The following DGKB variants were observed in gnomAD, a reference collection of about 807,000 sequenced individuals.
The protein encoded by DGKB is diacylglycerol kinase beta, also known as 90 kDa diacylglycerol kinase.
DGKB carries 67 observed loss-of-function variants against 114.3 expected under a neutral mutation model. The observed-to-expected ratio is 0.59, with a 90% CI of 0.48 to 0.72. DGKB has a LOEUF of 0.72. Among genes scored for constraint, DGKB ranks in the 30% least tolerant of loss-of-function variants. DGKB has a pLI of 0.00. For missense variants in DGKB, 907 were observed against 975.2 expected (o/e 0.93, Z 0.93); for synonymous variants, 398 against 323.1 (o/e 1.23, Z -2.49).
intron 23 of DGKB, among the ~76,000 whole-genome samples, chr7:14,334,400 G>T (rs922146870): frequency 8.1e-5 from 2 of 24,786 alleles, no homozygotes; most frequent in Non-Finnish European, 1.9e-4. Context: ...GTGTGTGCGC[G>T]CGCGTGTATG....
At chr7:14,172,934 G>A (rs1294720510) in intron 25 of DGKB, among the ~76,000 whole-genome samples, 2 of 152,078 alleles carry the variant, frequency 1.3e-5, no homozygotes, top group East Asian at 3.9e-4. Context: ...ATGCTCAGGA[G>A]GAAGGATGGG....
At chr7:14,259,392 T>A (rs1464583864) in intron 23 of DGKB, among the ~76,000 whole-genome samples, 1 of 95,460 alleles carries the variant, frequency 1.0e-5, no homozygotes, top group African/African-American at 3.8e-5. Flanking sequence ...TCTCTCTCTC[T>A]CTCTCTCTCT....
At chr7:14,873,324 A>G (rs570746360) in intron 1 of DGKB, among the ~76,000 whole-genome samples, 1 of 152,246 alleles carries the variant, frequency 6.6e-6, no homozygotes, top group African/African-American at 2.4e-5. Context: ...ATAAAAGACA[A>G]ATAGGCATTT....
At chr7:14,289,270 A>G (rs963948386) in intron 23 of DGKB, among the ~76,000 whole-genome samples, 2 of 152,188 alleles carry the variant, frequency 1.3e-5, no homozygotes, top group African/African-American at 4.8e-5. Context: ...TGAAAAGGGC[A>G]ACATTAGTAA....
At chr7:14,244,348 C>T (rs1794116834) in intron 23 of DGKB, among the ~76,000 whole-genome samples, 1 of 151,924 alleles carries the variant, frequency 6.6e-6, no homozygotes, top group Non-Finnish European at 1.5e-5. Flanking sequence ...AAACCTGATC[C>T]TCAACGTGAT....
rs1200581957 is a variant in DGKB, at chr7:14,418,237, T to A, written c.1835+59924A>T. 2.7e-4 allele frequency among the ~76,000 whole-genome samples: 36 copies of A among 131,730 alleles called. 1 individual carries two copies. The Admixed American group carries it at 3.0e-3, about 11-fold the overall frequency. 86.4% of individuals were successfully genotyped at this position (131,730 alleles called of 152,430 possible). A position where few individuals can be genotyped will look rare whatever the true frequency, so the allele number is the denominator to read the frequency against. On this transcript the variant is annotated intron_variant, in intron 21 of 25. Transcript: ENST00000402815. Reference sequence around the variant, plus strand: ...TATATATTATATATGTACATATATTTTATATATGTGTGTATATATTATATA... The same window carrying A: ...TATATATTATATATGTACATATATTATATATATGTGTGTATATATTATATA...
chr7:14,718,922 T>C (rs1183208071), intron 5 of DGKB: 1 of 386,150 alleles, frequency 2.6e-6, no homozygotes, highest in African/African-American at 2.1e-5. Context: ...CCACGGATGG[T>C]ATTTGGGTCA....
chr7:14,690,883 G>A (rs1822727021), intron 9 of DGKB, among the ~76,000 whole-genome samples: 1 of 152,180 alleles, frequency 6.6e-6, no homozygotes, highest in African/African-American at 2.4e-5. Context: ...AATTTTCATT[G>A]TGGTAATCAG....
At chr7:14,217,351 C>T (rs530068618) in intron 23 of DGKB, among the ~76,000 whole-genome samples, 106 of 152,068 alleles carry the variant, frequency 7.0e-4, no homozygotes, top group Non-Finnish European at 1.1e-3. Flanking sequence ...TTCCTTGGGA[C>T]GTGGGTTTTT....
At chr7:14,386,102 A>G (rs529948815) in intron 21 of DGKB, among the ~76,000 whole-genome samples, 1 of 152,350 alleles carries the variant, frequency 6.6e-6, no homozygotes, top group Admixed American at 6.5e-5. Flanking sequence ...AAACTTTAAT[A>G]TATTTTGAAA....
intron 23 of DGKB, among the ~76,000 whole-genome samples, chr7:14,266,577 A>G (rs941665954): frequency 2.0e-5 from 3 of 152,316 alleles, no homozygotes; most frequent in Middle Eastern, 3.4e-3. Context: ...GTAAAGAGGC[A>G]TCTGTGTTTT....
intron 15 of DGKB, among the ~76,000 whole-genome samples, chr7:14,620,630 C>T (rs1261597324): frequency 6.6e-6 from 1 of 151,626 alleles, no homozygotes. Context: ...GAAAAACATA[C>T]TTAAATCCAC....
chr7:14,337,475 C>T (rs1274067426), intron 23 of DGKB, among the ~76,000 whole-genome samples: 2 of 152,080 alleles, frequency 1.3e-5, no homozygotes, highest in African/African-American at 2.4e-5. Context: ...ATACCTAACA[C>T]TTTCTCCATC....
intron 2 of DGKB, among the ~76,000 whole-genome samples, chr7:14,793,178 T>C (rs1253960386): frequency 2.6e-5 from 4 of 152,128 alleles, no homozygotes; most frequent in African/African-American, 9.7e-5. Flanking sequence ...TCTACATAAA[T>C]ATTATAATGA....
chr7:14,307,611 T>C (rs1308240136), intron 23 of DGKB, among the ~76,000 whole-genome samples: 1 of 152,206 alleles, frequency 6.6e-6, no homozygotes, highest in Non-Finnish European at 1.5e-5. Flanking sequence ...TTGTATTGAA[T>C]GTCAATTTAC....
At chr7:14,658,080 T>C (rs1563818504) in intron 13 of DGKB, among the ~76,000 whole-genome samples, 1 of 152,004 alleles carries the variant, frequency 6.6e-6, no homozygotes, top group Non-Finnish European at 1.5e-5. Context: ...AGTAGAATTC[T>C]TAAAATTGTG....
intron 21 of DGKB, among the ~76,000 whole-genome samples, chr7:14,370,703 G>A (rs146511706): frequency 3.9e-5 from 6 of 152,160 alleles, no homozygotes; most frequent in South Asian, 4.1e-4. Context: ...GGGAGGGCAC[G>A]TGGATGTCTG....
chr7:14,705,507 T>C (rs942325880), intron 6 of DGKB, among the ~76,000 whole-genome samples: 8 of 150,840 alleles, frequency 5.3e-5, no homozygotes, highest in African/African-American at 7.3e-5. Flanking sequence ...CCAAGACACA[T>C]AATTGTCAGA....
rs977633996 is a variant in DGKB at position 14,632,074 on chromosome 7, T to C, written c.1135-1806A>G. 5.3e-5 allele frequency among the ~76,000 whole-genome samples: 8 copies of C among 152,128 alleles called. No homozygotes were observed. In the East Asian group the frequency reaches 1.5e-3, roughly 29 times the overall value. ...ACTGGAAAGCCAAGTGAAAAGATTA[T>C]GGCTGTCTAAATGGTTCAGAATAAC... On this transcript the variant is annotated intron_variant, in intron 13 of 25. Transcript: ENST00000402815.
Sources: allele counts gnomAD v4.1 joint callset (sites outside exome capture counted in the v4.1 genomes callset), GRCh38; gene constraint gnomAD v4.1.1; transcripts MANE v1.5; gene names NCBI Gene and HGNC (gene_info 2026-07-23, HGNC 2026-07-21).